CIBAR1: variants seen among roughly 807,000 people sequenced by gnomAD.
CIBAR1 encodes the protein CBY1-interacting BAR domain-containing protein 1.
CIBAR1 carries 25 observed loss-of-function variants against 44.0 expected under a neutral mutation model. The observed-to-expected ratio is 0.57, with a 90% confidence interval of 0.41 to 0.79. The LOEUF (loss-of-function observed/expected upper bound fraction) is 0.79, where lower values mean the gene tolerates loss of function less well. Among genes scored for constraint, CIBAR1 ranks in the 30% least tolerant of loss-of-function variants. CIBAR1 has a pLI of 0.00. For synonymous variants in CIBAR1, 115 were observed against 119.0 expected (o/e 0.97, Z 0.22); for missense variants, 278 against 344.8 (o/e 0.81, Z 1.53).
chr8:93,713,799 T>C (rs543281685), intron 6 of CIBAR1, among the ~76,000 whole-genome samples: 4 of 152,356 alleles, frequency 2.6e-5, no homozygotes, highest in Admixed American at 2.6e-4. Flanking sequence ...GTGGTTTTAC[T>C]TCTGGGCTCC....
chr8:93,721,124 T>G (rs945014480), intron 7 of CIBAR1: 5 of 152,174 alleles, frequency 3.3e-5, no homozygotes, highest in Non-Finnish European at 5.9e-5. Flanking sequence ...GATCCGGAAG[T>G]CTGACTACAA....
At position 93,717,964 on chromosome 8, in the gene CIBAR1, G is replaced by A. The variant is rs1184586363; in HGVS notation, c.544-711G>A. 3.3e-5 allele frequency among the ~76,000 whole-genome samples: 5 copies of A among 152,184 alleles called. No homozygotes were observed. In the East Asian group the frequency reaches 9.6e-4, roughly 29 times the overall value. ...CATAGGTTTCCATCATGCTTATAGAGGTTACCTGCACGGTTTATCTGTGAA... is the reference window on the plus strand; with the variant it reads ...CATAGGTTTCCATCATGCTTATAGAAGTTACCTGCACGGTTTATCTGTGAA... On this transcript the variant is annotated intron_variant, in intron 6 of 8. Coordinates refer to ENST00000518322, the MANE Select transcript of CIBAR1 (RefSeq NM_145269.5).
At chr8:93,703,207 A>T (rs546076377) in intron 2 of CIBAR1, among the ~76,000 whole-genome samples, 2 of 152,294 alleles carry the variant, frequency 1.3e-5, no homozygotes, top group South Asian at 4.1e-4. Context: ...ATGTTGCTTT[A>T]AATGTTTCCA....
At chr8:93,712,597 A>C (rs1810867034) in intron 6 of CIBAR1, among the ~76,000 whole-genome samples, 2 of 152,170 alleles carry the variant, frequency 1.3e-5, no homozygotes, top group African/African-American at 2.4e-5. Context: ...CTTTATGCTT[A>C]AGCATTTGAG....
In CIBAR1 at chr8:93,729,708, T is replaced by A. The variant is rs772425493; in HGVS notation, c.*1411T>A. 1 of 152,230 alleles carries A rather than the reference T, an allele frequency of 6.6e-6. No homozygotes were observed. Among genetic ancestry groups the A allele is most frequent in the Non-Finnish European group, 1.5e-5 (1 of 68,040 alleles). The allele number at this position is 152,230 out of a possible 1,614,324, so 9.4% of individuals were successfully genotyped here. A position where few individuals can be genotyped will look rare whatever the true frequency, so the allele number is the denominator to read the frequency against. ...AAGGGCCAGATAGCAAATACTGTTA[T>A]TCTTCGTGGGTTTAGGCAAATTCAA... is the stretch of plus-strand genomic sequence containing the variant. On this transcript the variant is annotated 3_prime_UTR_variant, in exon 9 of 9. Transcript: ENST00000518322.
chr8:93,700,570 C>G lies in CIBAR1; in HGVS notation c.-78C>G. 7.2e-7 allele frequency: 1 copy of G among 1,392,938 alleles called. No individual in the cohort carries two copies. The highest frequency in any genetic ancestry group is 9.3e-7 in the Non-Finnish European group (1 of 1,073,010). 86.3% of individuals were successfully genotyped at this position (1,392,938 alleles called of 1,614,324 possible). On this transcript the variant is annotated 5_prime_UTR_variant, in exon 1 of 9. Transcript: ENST00000518322. ...CTTTCAGGCTCCCGGCGGCTGCTTG[C>G]GCCCCAGCGCGCGCCCAGGCGCCTT...
intron 3 of CIBAR1, 60 bp downstream of exon 3, chr8:93,703,748 C>A: frequency 7.4e-7 from 1 of 1,344,838 alleles, no homozygotes; most frequent in Non-Finnish European, 1.0e-6. Context: ...TATGAGGTTT[C>A]CAATTGTTTT....
chr8:93,728,345 C>G lies in CIBAR1; in HGVS notation c.*48C>G, dbSNP rs55726543. ...ATAAATGACTTGAAATCCACAATGA[C>G]TAAATTGTAGAACTTTATACTCACT... On this transcript the variant is annotated 3_prime_UTR_variant, in exon 9 of 9. Coordinates refer to ENST00000518322, the MANE Select transcript of CIBAR1 (RefSeq NM_145269.5). 0.026 allele frequency: 32,760 copies of G among 1,237,004 alleles called. 542 individuals carry two copies. Among genetic ancestry groups the G allele is most frequent in the Non-Finnish European group, 0.031 (27,210 of 866,894 alleles). 76.6% of individuals were successfully genotyped at this position (1,237,004 alleles called of 1,614,324 possible). A position where few individuals can be genotyped will look rare whatever the true frequency, so the allele number is the denominator to read the frequency against.
intron 2 of CIBAR1, 123 bp downstream of exon 2, chr8:93,701,581 G>A (rs1810360123): frequency 1.3e-6 from 1 of 778,902 alleles, no homozygotes; most frequent in African/African-American, 1.7e-5. Flanking sequence ...TTGATAAAAC[G>A]TACATTTTCA....
chr8:93,718,271 C>A (rs1007043375), intron 6 of CIBAR1, among the ~76,000 whole-genome samples: 9 of 152,202 alleles, frequency 5.9e-5, no homozygotes, highest in African/African-American at 1.9e-4. Context: ...AAAAAACGTT[C>A]TCCTGTTTAA....
At chr8:93,724,525 A>G in intron 7 of CIBAR1, 2 of 932,560 alleles carry the variant, frequency 2.1e-6, no homozygotes, top group Non-Finnish European at 3.0e-6. Flanking sequence ...GAGTTTCGCC[A>G]TGTTGCCCAG....
chr8:93,701,341 A>T lies in CIBAR1; in HGVS notation c.144A>T (p.Ala48=), dbSNP rs1304364826. The T allele has an allele frequency of 2.5e-6, 4 of 1,613,840 alleles. No individual in the cohort carries two copies. Residue 48 remains alanine (A), a synonymous_variant, in exon 2 of 9, where the codon GCA becomes GCT. Coordinates refer to ENST00000518322, the MANE Select transcript of CIBAR1 (RefSeq NM_145269.5). ...VRKTARLRDK[A]DLLVNEINAY... is the part of the protein sequence containing the mutation. Reference sequence around the variant, plus strand: ...AAACTGCCAGGCTGAGAGACAAAGCAGACCTCCTGGTGAATGAAATTAACG... The same window carrying T: ...AAACTGCCAGGCTGAGAGACAAAGCTGACCTCCTGGTGAATGAAATTAACG...
At chr8:93,721,862 T>G (rs980624034) in intron 7 of CIBAR1, among the ~76,000 whole-genome samples, 1 of 151,942 alleles carries the variant, frequency 6.6e-6, no homozygotes, top group Non-Finnish European at 1.5e-5. Flanking sequence ...GGGTTACAAA[T>G]AGTCTGGAGA....
In CIBAR1 at chr8:93,726,333, A is replaced by T. The variant is rs545856640; in HGVS notation, c.658-61A>T. The T allele has an allele frequency of 2.1e-6, 3 of 1,434,972 alleles. No individual in the cohort carries two copies. The South Asian group carries it at 4.5e-5, about 21-fold the overall frequency. 88.9% of individuals were successfully genotyped at this position (1,434,972 alleles called of 1,614,324 possible). A position where few individuals can be genotyped will look rare whatever the true frequency, so the allele number is the denominator to read the frequency against. ...AAAAAAATCTTAACTAAGGAACTTA[A>T]TTTGACTGTCTTGATTTTGTTTAGC... On this transcript the variant is annotated intron_variant, in intron 7 of 8. Transcript: ENST00000518322.
At chr8:93,723,006 T>TA (rs750762690) in intron 7 of CIBAR1, among the ~76,000 whole-genome samples, 14 of 152,230 alleles carry the variant, frequency 9.2e-5, no homozygotes, top group Non-Finnish European at 1.6e-4. Context: ...TTTATTTATT[T>TA]ATTTTTTTGA....
At chr8:93,711,937 G>A (rs1810838729) in intron 6 of CIBAR1, among the ~76,000 whole-genome samples, 1 of 152,168 alleles carries the variant, frequency 6.6e-6, no homozygotes, top group Admixed American at 6.5e-5. Flanking sequence ...GAAGCAACAG[G>A]AGATGGAGTA....
rs1370843173 is a variant in CIBAR1, at chr8:93,708,031, G to A, written c.438+15G>A. 22 of 1,559,390 alleles carry A rather than the reference G, an allele frequency of 1.4e-5. No individual in the cohort carries two copies. Among genetic ancestry groups the A allele is most frequent in the Non-Finnish European group, 1.8e-5 (21 of 1,156,254 alleles). ...TTCAGTCACAGGTGGGTAATAAAGT[G>A]GTGTGTCAAGAAATGGATCCTTATA... is the stretch of plus-strand genomic sequence containing the variant. On this transcript the variant is annotated intron_variant, in intron 5 of 8. Coordinates refer to ENST00000518322, the MANE Select transcript of CIBAR1 (RefSeq NM_145269.5).
At position 93,704,979 on chromosome 8, in the gene CIBAR1, G is replaced by GTCTAAC; in HGVS notation, c.403_404insTAACTC (p.Arg134_Gln135insLeuThr). ...CAATTAACTCAGTTAGAAAGAACAC[G>GTCTAAC]TCAGCGAAACCCATCTGATCGACAT... On this transcript the variant is annotated inframe_insertion, in exon 4 of 9. Transcript: ENST00000518322. The GTCTAAC allele has an allele frequency of 6.2e-7, 1 of 1,613,002 alleles. No homozygotes were observed. Among genetic ancestry groups the GTCTAAC allele is most frequent in the Non-Finnish European group, 8.5e-7 (1 of 1,179,460 alleles).
Position 93,701,457 on chromosome 8 carries a change from A to C in CIBAR1, c.260A>C (p.Glu87Ala), listed in dbSNP as rs755266570. The C allele has an allele frequency of 3.1e-6, 5 of 1,612,168 alleles. No homozygotes were observed. In the South Asian group the frequency reaches 4.4e-5, roughly 14 times the overall value. Residue 87 changes from glutamate (E) to alanine (A), a missense_variant and splice_region_variant, in exon 2 of 9, where the codon GAG becomes GCG. Physicochemically the swap from Glu to Ala is moderately radical, Grantham distance 107. Coordinates refer to ENST00000518322, the MANE Select transcript of CIBAR1 (RefSeq NM_145269.5). ...FAKLQDYRQA[E>A]VERLEAKVVE... ...AAACTTCAGGATTATCGACAAGCAG[A>C]GGTATGGAGTGAGATCACAGTGTCA...
Sources: allele counts gnomAD v4.1 joint callset (sites outside exome capture counted in the v4.1 genomes callset), GRCh38; gene constraint gnomAD v4.1.1; transcripts MANE v1.5; gene names NCBI Gene and HGNC (gene_info 2026-07-23, HGNC 2026-07-21).